CAMTA1: variants seen among roughly 807,000 people sequenced by gnomAD.
CAMTA1 encodes calmodulin binding transcription activator 1.
CAMTA1 carries 27 observed loss-of-function variants against 170.9 expected under a neutral mutation model. The ratio of observed to expected loss-of-function variants is 0.16; its 90% CI spans 0.12 to 0.22. CAMTA1 has a LOEUF of 0.22. Ranked by LOEUF, CAMTA1 falls within the 10% of genes least tolerant of loss-of-function variation. The pLI is 1.00. For synonymous variants in CAMTA1, 833 were observed against 891.5 expected (o/e 0.93, Z 1.17); for missense variants, 1,619 against 2,217.2 (o/e 0.73, Z 5.42).
chr1:6,983,118 G>T (rs1422868399), intron 3 of CAMTA1, among the ~76,000 whole-genome samples: 1 of 152,214 alleles, frequency 6.6e-6, no homozygotes, highest in Non-Finnish European at 1.5e-5. Flanking sequence ...GCTCCTGTGT[G>T]CTGTCTTTAT....
At chr1:7,724,612 C>T (rs550654026) in intron 11 of CAMTA1, among the ~76,000 whole-genome samples, 1 of 151,924 alleles carries the variant, frequency 6.6e-6, no homozygotes, top group Non-Finnish European at 1.5e-5. Context: ...GTGGGCAGAT[C>T]ACGAAGTCAG....
chr1:7,562,817 G>A lies in CAMTA1; in HGVS notation c.511-77583G>A, dbSNP rs1011047790. Among the ~76,000 whole-genome samples, 3 of 152,134 alleles carry A rather than the reference G, an allele frequency of 2.0e-5. No homozygotes were observed. Among genetic ancestry groups the A allele is most frequent in the African/African-American group, 7.2e-5 (3 of 41,410 alleles). On this transcript the variant is annotated intron_variant, in intron 6 of 22. Coordinates refer to ENST00000303635, the MANE Select transcript of CAMTA1 (RefSeq NM_015215.4). The surrounding 1 kb of genome is among the most constrained non-coding windows in gnomAD (Gnocchi z 4.8). ...GTCCCCAGGACCCCCAAGCAAGGCGGACGGGATGACAGGCCCTCTAACCCC... is the reference window on the plus strand; with the variant it reads ...GTCCCCAGGACCCCCAAGCAAGGCGAACGGGATGACAGGCCCTCTAACCCC...
At chr1:7,742,106 C>G (rs796089540) in intron 16 of CAMTA1, among the ~76,000 whole-genome samples, 18 of 150,032 alleles carry the variant, frequency 1.2e-4, no homozygotes, top group African/African-American at 4.1e-4. Context: ...CAATTCAAGG[C>G]AAATTAATGT....
intron 5 of CAMTA1, among the ~76,000 whole-genome samples, chr1:7,292,391 T>G (rs1371331017): frequency 6.6e-6 from 1 of 152,146 alleles, no homozygotes. Flanking sequence ...TCAGCTTCGG[T>G]GAATATGTGT....
intron 21 of CAMTA1, among the ~76,000 whole-genome samples, chr1:7,754,353 C>A (rs1322140441): frequency 2.0e-5 from 3 of 152,198 alleles, no homozygotes; most frequent in Non-Finnish European, 2.9e-5. Context: ...TTCCTCCTTT[C>A]TTCTAGTCTG....
chr1:6,919,410 C>T (rs746032308), intron 3 of CAMTA1, among the ~76,000 whole-genome samples: 2 of 152,158 alleles, frequency 1.3e-5, no homozygotes, highest in African/African-American at 2.4e-5. Context: ...GACCAGTGAG[C>T]TGCTGGAAGC....
intron 6 of CAMTA1, among the ~76,000 whole-genome samples, chr1:7,568,270 CCAT>C (rs1223091855): frequency 6.8e-5 from 9 of 132,896 alleles, no homozygotes; most frequent in Non-Finnish European, 8.9e-5. Context: ...CACCAAATCA[CCAT>C]CATCATCATC....
chr1:6,930,423 C>A (rs545448509), intron 3 of CAMTA1, among the ~76,000 whole-genome samples: 1 of 152,332 alleles, frequency 6.6e-6, no homozygotes, highest in Admixed American at 6.5e-5. Context: ...CTTTCTGTAA[C>A]TGATTCTAAT....
chr1:6,820,158 C>A, intron 1 of CAMTA1, 23 bp from the exon 2 acceptor site: 1 of 1,340,912 alleles, frequency 7.5e-7, no homozygotes, highest in Non-Finnish European at 1.1e-6. Flanking sequence ...ATTAGTTTTA[C>A]ATTTTATTTT....
intron 4 of CAMTA1, among the ~76,000 whole-genome samples, chr1:7,148,236 CCACACACT>C (rs1242174881): frequency 6.8e-6 from 1 of 148,120 alleles, no homozygotes; most frequent in African/African-American, 2.5e-5. Context: ...CACACACACA[CCACACACT>C]CACACATACA....
At chr1:6,827,697 G>A (rs1478709042) in intron 3 of CAMTA1, among the ~76,000 whole-genome samples, 2 of 152,184 alleles carry the variant, frequency 1.3e-5, no homozygotes, top group Non-Finnish European at 2.9e-5. Flanking sequence ...ACGTAGTTCA[G>A]TGGACTTGTT....
chr1:7,079,205 C>T (rs554619118), intron 3 of CAMTA1, among the ~76,000 whole-genome samples: 5 of 152,276 alleles, frequency 3.3e-5, no homozygotes, highest in East Asian at 3.9e-4. Context: ...TGGAGTAAAA[C>T]GTGCTGTAGA....
intron 4 of CAMTA1, among the ~76,000 whole-genome samples, chr1:7,103,532 A>AC (rs36128912): frequency 2.9e-5 from 4 of 140,308 alleles, no homozygotes; most frequent in South Asian, 2.3e-4. Flanking sequence ...CACAACACAC[A>AC]ACTACACACA....
chr1:7,666,118 G>C (rs2095999183), intron 9 of CAMTA1, among the ~76,000 whole-genome samples: 1 of 150,770 alleles, frequency 6.6e-6, no homozygotes, highest in Non-Finnish European at 1.5e-5. Flanking sequence ...GCAGTGAGTC[G>C]AGATCACGCC....
chr1:7,505,623 G>A (rs981515234), intron 6 of CAMTA1, among the ~76,000 whole-genome samples: 3 of 152,118 alleles, frequency 2.0e-5, no homozygotes, highest in African/African-American at 7.2e-5. Flanking sequence ...TCCTCCCATG[G>A]TCAGGTGGGG....
At chr1:7,715,085 T>A (rs2096598962) in intron 11 of CAMTA1, among the ~76,000 whole-genome samples, 1 of 152,222 alleles carries the variant, frequency 6.6e-6, no homozygotes, top group Non-Finnish European at 1.5e-5. Context: ...TTGCCTGATC[T>A]GCTATTAATC....
rs1023375380 is a variant in CAMTA1, at chr1:6,970,585, G to A, written c.235-120719G>A. 6.6e-6 allele frequency among the ~76,000 whole-genome samples: 1 copy of A among 152,148 alleles called. No homozygotes were observed. Among genetic ancestry groups the A allele is most frequent in the Non-Finnish European group, 1.5e-5 (1 of 68,028 alleles). ...CTCCACCTGAGGCCTGAAGGATACC[G>A]TGAGTCTGAAGACTCCACAGAACTG... is the stretch of plus-strand genomic sequence containing the variant. On this transcript the variant is annotated intron_variant, in intron 3 of 22. Transcript: ENST00000303635. This position sits in a 1 kb window ranked among gnomAD's most constrained non-coding sequence, Gnocchi z 4.4.
chr1:7,199,461 C>T (rs1458340928), intron 4 of CAMTA1, among the ~76,000 whole-genome samples: 3 of 152,360 alleles, frequency 2.0e-5, no homozygotes, highest in Non-Finnish European at 4.4e-5. Context: ...TTCCCAGACA[C>T]GGGCACCCGA....
chr1:7,198,927 CT>C (rs1656099105), intron 4 of CAMTA1, among the ~76,000 whole-genome samples: 1 of 152,200 alleles, frequency 6.6e-6, no homozygotes, highest in Non-Finnish European at 1.5e-5. Context: ...TCCAGTTCTT[CT>C]TCCCTACTCC....
Sources: allele counts gnomAD v4.1 joint callset (sites outside exome capture counted in the v4.1 genomes callset), GRCh38; gene constraint gnomAD v4.1.1; non-coding constraint Gnocchi (gnomAD v3.1); transcripts MANE v1.5; gene names NCBI Gene and HGNC (gene_info 2026-07-23, HGNC 2026-07-21).